CLSTN1: variants seen among roughly 807,000 people sequenced by gnomAD.
CLSTN1 encodes the protein calsyntenin 1.
A neutral mutation model predicts 108.3 loss-of-function variants in CLSTN1; 28 were observed. The observed-to-expected ratio is 0.26, with a 90% CI of 0.19 to 0.35. The LOEUF is 0.35. CLSTN1 is among the 10% of genes least tolerant of loss of function. The probability of loss-of-function intolerance (pLI) is 1.00; values close to 1 mark genes in which losing one functional copy is unlikely to be tolerated. For synonymous variants in CLSTN1, 524 were observed against 534.9 expected, an observed-to-expected ratio of 0.98 and a Z score of 0.28; for missense variants, 1,157 against 1,302.6, an observed-to-expected ratio of 0.89 and a Z score of 1.72.
rs145910768 is a variant in CLSTN1, at chr1:9,753,132, C to T, written c.441-1451G>A. Among the ~76,000 whole-genome samples, 659 of 152,280 alleles carry T rather than the reference C, an allele frequency of 4.3e-3. 12 individuals are homozygous for T. Among genetic ancestry groups the T allele is most frequent in the East Asian group, 0.043 (221 of 5,182 alleles). On this transcript the variant is annotated intron_variant, in intron 4 of 18. Transcript: ENST00000377298. ...ATGGTTTTGGGATGAAAATGCCCCA[C>T]CTCAGATCATCAGGCAGTCGATTCT...
At position 9,733,475 on chromosome 1, in the gene CLSTN1, A is replaced by C. The variant is rs1212492200; in HGVS notation, c.2353T>G (p.Leu785Val). ...ATGAGCTTAAACTTCCGGTCAAGCA[A>C]GGACCTGGCATGCCAGTTCCGATAG... Reference protein sequence around the residue: ...LRYRNWHARSLLDRKFKLICS... With the variant: ...LRYRNWHARSVLDRKFKLICS... The change falls in exon 16 of 19, where the codon TTG becomes GTG. Residue 785 changes from leucine (L) to valine (V), a missense_variant. Coordinates refer to ENST00000377298, the MANE Select transcript of CLSTN1 (RefSeq NM_001009566.3). 6.2e-7 allele frequency: 1 copy of C among 1,614,092 alleles called. No individual in the cohort carries two copies. The highest frequency in any genetic ancestry group is 8.5e-7 in the Non-Finnish European group (1 of 1,180,038).
rs527578669 is a variant in CLSTN1, at chr1:9,769,285, C to A, written c.214+3987G>T. Among the ~76,000 whole-genome samples, 434 of 152,060 alleles carry A rather than the reference C, an allele frequency of 2.9e-3. 1 individual carries two copies. Among genetic ancestry groups the A allele is most frequent in the South Asian group, 0.012 (57 of 4,820 alleles). ...TTCAGTCAAGGGGATCAGTTGCACT[C>A]CTGTGTGTATACTAAAGGACTGAAA... On this transcript the variant is annotated intron_variant, in intron 2 of 18. Coordinates refer to ENST00000377298, the MANE Select transcript of CLSTN1 (RefSeq NM_001009566.3).
intron 2 of CLSTN1, among the ~76,000 whole-genome samples, chr1:9,758,326 T>G (rs1356655729): frequency 1.3e-5 from 2 of 148,544 alleles, no homozygotes; most frequent in African/African-American, 5.0e-5. Context: ...TTCTTTTTCT[T>G]TTTTTGAGAC....
Position 9,730,103 on chromosome 1 carries a change from A to T in CLSTN1, c.*405T>A, listed in dbSNP as rs1045237652. The stretch of plus-strand genomic sequence containing the variant: ...TTTGGAAAAAATAAAAACTTTTTTT[A>T]AAAAAAGAAAAAAATGATTACCGGG... On this transcript the variant is annotated 3_prime_UTR_variant, in exon 19 of 19. Coordinates refer to ENST00000377298, the MANE Select transcript of CLSTN1 (RefSeq NM_001009566.3). The surrounding 1 kb of genome is among the most constrained non-coding windows in gnomAD (Gnocchi z 5.6). The T allele has an allele frequency of 2.3e-5, 5 of 220,022 alleles. No individual in the cohort carries two copies. Among genetic ancestry groups the T allele is most frequent in the African/African-American group, 1.1e-4 (5 of 44,732 alleles). 13.6% of individuals were successfully genotyped at this position (220,022 alleles called of 1,614,324 possible).
chr1:9,781,304 A>C, intron 1 of CLSTN1: 1 of 656,910 alleles, frequency 1.5e-6, no homozygotes, highest in South Asian at 1.9e-5. Context: ...ATTGCACTGT[A>C]GTCGAGAATG....
intron 1 of CLSTN1, among the ~76,000 whole-genome samples, chr1:9,820,682 C>T (rs1362811068): frequency 6.6e-6 from 1 of 152,180 alleles, no homozygotes; most frequent in Non-Finnish European, 1.5e-5. Flanking sequence ...TTCAATCACA[C>T]AATACTGGCA....
At chr1:9,764,018 G>A (rs929000867) in intron 2 of CLSTN1, among the ~76,000 whole-genome samples, 6 of 152,104 alleles carry the variant, frequency 3.9e-5, no homozygotes, top group African/African-American at 7.2e-5. Context: ...TTGGGCATCT[G>A]CATCTGATGA....
intron 1 of CLSTN1, among the ~76,000 whole-genome samples, chr1:9,819,058 T>C (rs1030398582): frequency 5.2e-4 from 79 of 152,126 alleles, no homozygotes; most frequent in African/African-American, 1.7e-3. Flanking sequence ...CCTCCCAAAA[T>C]GCTGGGATTA....
chr1:9,735,064 C>T lies in CLSTN1; in HGVS notation c.1994G>A (p.Arg665Gln), dbSNP rs199654377. 3.9e-5 allele frequency: 63 copies of T among 1,614,206 alleles called. No homozygotes were observed. Among genetic ancestry groups the T allele is most frequent in the Non-Finnish European group, 5.3e-5 (62 of 1,180,036 alleles). ...ISLSGVHHFA[R>Q]AASEFESSEG... ...TGAGCTTTCAAATTCAGAAGCTGCT[C>T]GGGCAAAATGGTGGACGCCACTCAG... The change falls in exon 14 of 19, where the codon CGA becomes CAA. Residue 665 changes from arginine (R) to glutamine (Q), a missense_variant. Arg to Gln is a conservative substitution (Grantham distance 43). Transcript: ENST00000377298.
rs1276173034 is a variant in CLSTN1, at chr1:9,730,723, C to T, written c.2749-18G>A. 6.3e-6 allele frequency: 10 copies of T among 1,580,226 alleles called. No individual in the cohort carries two copies. Among genetic ancestry groups the T allele is most frequent in the South Asian group, 2.3e-5 (2 of 88,222 alleles). On this transcript the variant is annotated intron_variant, in intron 18 of 18. Transcript: ENST00000377298. This position sits in a 1 kb window ranked among gnomAD's most constrained non-coding sequence, Gnocchi z 5.6. ...TCATAGGTCTGGCAAGGAGAAGTGA[C>T]GGCCACATGAGTCCGGCCCTGCCCA...
At chr1:9,786,607 C>T (rs926316150) in intron 1 of CLSTN1, among the ~76,000 whole-genome samples, 2 of 143,092 alleles carry the variant, frequency 1.4e-5, no homozygotes, top group Non-Finnish European at 3.0e-5. Context: ...TGTGCTATTG[C>T]ACTCCACTGC....
chr1:9,756,411 G>T, intron 3 of CLSTN1, 70 bp downstream of exon 3: 1 of 1,302,992 alleles, frequency 7.7e-7, no homozygotes, highest in South Asian at 1.2e-5. Context: ...TTTAAGGGCT[G>T]ATTCCCAATT....
chr1:9,735,970 G>C lies in CLSTN1; in HGVS notation c.1649C>G (p.Ala550Gly). The change falls in exon 12 of 19, where the codon GCG becomes GGG. Residue 550 changes from alanine (A) to glycine (G), a missense_variant. Coordinates refer to ENST00000377298, the MANE Select transcript of CLSTN1 (RefSeq NM_001009566.3). ...CAGACAGTCGATCACCTTCTTATCC[G>C]CGAGTTTCCCGGAACGGAGAGTTAA... Reference protein sequence around the residue: ...AGLTLRSGKLADKKVIDCLYT... With the variant: ...AGLTLRSGKLGDKKVIDCLYT... The C allele has an allele frequency of 6.2e-7, 1 of 1,614,140 alleles. No homozygotes were observed. Among genetic ancestry groups the C allele is most frequent in the Non-Finnish European group, 8.5e-7 (1 of 1,180,038 alleles).
chr1:9,769,140 A>AGAGG (rs1652540538), intron 2 of CLSTN1, among the ~76,000 whole-genome samples: 2 of 103,576 alleles, frequency 1.9e-5, no homozygotes, highest in Admixed American at 1.2e-4. Flanking sequence ...TGAGAGGGAG[A>AGAGG]GAGGGAGGGA....
rs1650672040 is a variant in CLSTN1 at position 9,736,049 on chromosome 1, G to A, written c.1577-7C>T. On this transcript the variant is annotated splice_region_variant and splice_polypyrimidine_tract_variant and intron_variant, in intron 11 of 18. Transcript: ENST00000377298. ...GTCATGTGCAGGTCGCCACCTTTGGGTCAGGGGAGAAAAGGCGAAGTCAGG... is the reference window on the plus strand; with the variant it reads ...GTCATGTGCAGGTCGCCACCTTTGGATCAGGGGAGAAAAGGCGAAGTCAGG... The A allele has an allele frequency of 1.9e-6, 3 of 1,614,026 alleles. No homozygotes were observed. Among genetic ancestry groups the A allele is most frequent in the Admixed American group, 1.7e-5 (1 of 60,000 alleles).
At chr1:9,750,636 C>T (rs573752525) in intron 5 of CLSTN1, among the ~76,000 whole-genome samples, 2 of 147,064 alleles carry the variant, frequency 1.4e-5, no homozygotes, top group African/African-American at 5.2e-5. Flanking sequence ...CCCGTGAGCC[C>T]AGGAGTTCGA....
At chr1:9,796,577 A>G (rs1767271) in intron 1 of CLSTN1, among the ~76,000 whole-genome samples, 131,188 of 150,822 alleles carry the variant, frequency 0.87, 57,745 homozygotes, top group East Asian at 0.95. Context: ...CCAGCAACTC[A>G]GGAGGCTGAG....
intron 2 of CLSTN1, among the ~76,000 whole-genome samples, chr1:9,758,920 T>C (rs1557701708): frequency 6.6e-6 from 1 of 152,180 alleles, no homozygotes; most frequent in African/African-American, 2.4e-5. Context: ...ACGCCTGTGC[T>C]GCCTAACATG....
In CLSTN1 at chr1:9,751,584, C is replaced by T. The variant is rs760081150; in HGVS notation, c.538G>A (p.Asp180Asn). 6.2e-6 allele frequency: 10 copies of T among 1,614,064 alleles called. No homozygotes were observed. Among genetic ancestry groups the T allele is most frequent in the African/African-American group, 2.7e-5 (2 of 74,938 alleles). Residue 180 changes from aspartate to asparagine, a missense_variant, in exon 5 of 19, where the codon GAC (aspartate) becomes AAC (asparagine). Transcript: ENST00000377298. Reference sequence around the variant, plus strand: ...ACGGCCTCCACCCTCAAAATGCTGTCGTACTGCTTCCCCTCGATGACCGTG... The same window carrying T: ...ACGGCCTCCACCCTCAAAATGCTGTTGTACTGCTTCCCCTCGATGACCGTG... ...KATVIEGKQY[D>N]SILRVEAVDA...
Sources: gnomAD v4.1 joint callset for allele counts (sites outside exome capture counted in the v4.1 genomes callset) on GRCh38, gnomAD v4.1.1 for gene constraint, Gnocchi (gnomAD v3.1) non-coding constraint, MANE v1.5 for transcripts, NCBI Gene and HGNC (gene_info 2026-07-23, HGNC 2026-07-21) for gene names.